Variants in RNF111 observed in about 807,000 individuals in gnomAD.
RNF111 encodes the protein E3 ubiquitin-protein ligase Arkadia.
A neutral mutation model predicts 95.1 loss-of-function variants in RNF111; 17 were observed. That is an observed-to-expected ratio of 0.18 (90% CI 0.12 to 0.27). The LOEUF is 0.27. Ranked by LOEUF, RNF111 falls within the 10% of genes least tolerant of loss-of-function variation. The probability of loss-of-function intolerance (pLI) is 1.00; values close to 1 mark genes in which losing one functional copy is unlikely to be tolerated. For synonymous variants in RNF111, 440 were observed against 414.8 expected (o/e 1.06, Z -0.74); for missense variants, 1,189 against 1,210.4 (o/e 0.98, Z 0.26).
At chr15:59,011,253 A>T (rs1267333742) in intron 1 of RNF111, among the ~76,000 whole-genome samples, 1 of 152,132 alleles carries the variant, frequency 6.6e-6, no homozygotes, top group Non-Finnish European at 1.5e-5. Context: ...ATCGGATTAG[A>T]TTCTACTTCT....
At chr15:59,018,666 A>T (rs978806295) in intron 1 of RNF111, among the ~76,000 whole-genome samples, 1 of 152,184 alleles carries the variant, frequency 6.6e-6, no homozygotes, top group Non-Finnish European at 1.5e-5. Flanking sequence ...TATTTTACAA[A>T]TGCATATATT....
At chr15:59,086,753 T>A (rs569575732) in intron 10 of RNF111, among the ~76,000 whole-genome samples, 2 of 152,180 alleles carry the variant, frequency 1.3e-5, no homozygotes, top group Non-Finnish European at 2.9e-5. Context: ...GTGTTTCTAA[T>A]TTTAGGAGTG....
chr15:58,991,464 G>A (rs771240112), intron 1 of RNF111, among the ~76,000 whole-genome samples: 3 of 152,214 alleles, frequency 2.0e-5, no homozygotes, highest in African/African-American at 7.2e-5. Context: ...TGTTCTGTGT[G>A]TGGGAACATA....
chr15:59,036,653 G>T (rs1258681554), intron 2 of RNF111, among the ~76,000 whole-genome samples: 1 of 152,188 alleles, frequency 6.6e-6, no homozygotes, highest in Non-Finnish European at 1.5e-5. Context: ...TGAGATTTGG[G>T]TGGGGACAAA....
At chr15:59,066,601 C>G (rs779479891) in intron 5 of RNF111, among the ~76,000 whole-genome samples, 163 bp from the exon 6 acceptor site, 2 of 151,874 alleles carry the variant, frequency 1.3e-5, no homozygotes, top group African/African-American at 2.4e-5. Context: ...AACAGCAAGA[C>G]TCCATCTCAA....
chr15:58,994,473 CTTTTTTTT>C (rs35787227), intron 1 of RNF111, among the ~76,000 whole-genome samples: 67 of 69,554 alleles, frequency 9.6e-4, no homozygotes, highest in Middle Eastern at 0.014. Context: ...TTTTCTCTCT[CTTTTTTTT>C]TTTTTTTTTT....
intron 1 of RNF111, among the ~76,000 whole-genome samples, 162 bp from the exon 2 acceptor site, chr15:59,030,642 A>G (rs2040858016): frequency 6.6e-6 from 1 of 152,174 alleles, no homozygotes; most frequent in Non-Finnish European, 1.5e-5. Flanking sequence ...AACGTTTTAT[A>G]AGAATAGTAA....
chr15:58,998,228 T>C (rs1205956893), intron 1 of RNF111, among the ~76,000 whole-genome samples: 3 of 151,918 alleles, frequency 2.0e-5, no homozygotes, highest in Non-Finnish European at 4.4e-5. Context: ...TAATATTCCA[T>C]GTGACAAAAT....
intron 2 of RNF111, among the ~76,000 whole-genome samples, chr15:59,032,191 A>G (rs34278620): frequency 0.11 from 17,243 of 152,132 alleles, 1,183 homozygotes; most frequent in African/African-American, 0.2. Context: ...TGCCCACCTC[A>G]GCCTCCCAAA....
chr15:59,015,083 T>C (rs1289765238), intron 1 of RNF111, among the ~76,000 whole-genome samples: 2 of 152,224 alleles, frequency 1.3e-5, no homozygotes, highest in Non-Finnish European at 2.9e-5. Flanking sequence ...TAAAATTCTG[T>C]AGTTTGGCCT....
chr15:59,058,568 G>A lies in RNF111; in HGVS notation c.1366+18G>A, dbSNP rs1175444613. The A allele has an allele frequency of 1.9e-6, 3 of 1,606,336 alleles. No individual in the cohort carries two copies. Among genetic ancestry groups the A allele is most frequent in the Admixed American group, 3.3e-5 (2 of 59,980 alleles). The stretch of plus-strand genomic sequence containing the variant: ...TATAGGAGGTATGTAAAAAAGTGGG[G>A]GAGGGGAGACTTTTTGTCATTACTT... On this transcript the variant is annotated intron_variant, in intron 5 of 13. Coordinates refer to ENST00000348370, the MANE Select transcript of RNF111 (RefSeq NM_017610.8).
chr15:59,020,505 A>G (rs1442053296), intron 1 of RNF111, among the ~76,000 whole-genome samples: 1 of 152,212 alleles, frequency 6.6e-6, no homozygotes, highest in African/African-American at 2.4e-5. Flanking sequence ...TGGCTGTAAT[A>G]ATAACAGAGT....
Position 59,091,145 on chromosome 15 carries a change from A to T in RNF111, c.2730A>T (p.Lys910Asn), listed in dbSNP as rs770156665. 1 of 1,585,036 alleles carries T rather than the reference A, an allele frequency of 6.3e-7. No homozygotes were observed. Among genetic ancestry groups the T allele is most frequent in the Non-Finnish European group, 8.7e-7 (1 of 1,155,734 alleles). The change falls in exon 12 of 14, where the codon AAA (lysine) becomes AAT (asparagine). Residue 910 changes from lysine to asparagine, a missense_variant. Around this residue, in one of 2 missense-constraint regions of RNF111, gnomAD observed 165 missense variants for 284.6 expected, o/e 0.58. Coordinates refer to ENST00000348370, the MANE Select transcript of RNF111 (RefSeq NM_017610.8). ...GTIERCTYPH[K>N]YKKRKLHCKQ... ...TTGAAAGATGTACATATCCACATAA[A>T]TACAAAAAGGTAAGAATTTATTCTA...
chr15:59,026,010 G>A (rs771037890), intron 1 of RNF111, among the ~76,000 whole-genome samples: 5 of 151,282 alleles, frequency 3.3e-5, no homozygotes, highest in Admixed American at 6.6e-5. Context: ...GATTACAGGC[G>A]TGAGCCACTG....
At chr15:59,091,210 A>T in intron 12 of RNF111, 56 bp downstream of exon 12, 2 of 952,918 alleles carry the variant, frequency 2.1e-6, no homozygotes, top group Non-Finnish European at 3.3e-6. Context: ...TAAATGTAAT[A>T]TATACCTTTT....
At chr15:59,031,743 A>G (rs750642123) in intron 2 of RNF111, 41 bp downstream of exon 2, 2 of 1,549,886 alleles carry the variant, frequency 1.3e-6, no homozygotes, top group Non-Finnish European at 1.8e-6. Context: ...AACCTATTGC[A>G]TTGCATTTGT....
chr15:59,051,582 C>A (rs901859322), intron 2 of RNF111, among the ~76,000 whole-genome samples: 1 of 151,954 alleles, frequency 6.6e-6, no homozygotes, highest in Non-Finnish European at 1.5e-5. Flanking sequence ...TCAAGACAAG[C>A]CTGGGCAACA....
chr15:59,026,586 A>G (rs2040622298), intron 1 of RNF111, among the ~76,000 whole-genome samples: 1 of 152,218 alleles, frequency 6.6e-6, no homozygotes, highest in Admixed American at 6.5e-5. Flanking sequence ...GTTTTATCAA[A>G]CAGCAAATAA....
chr15:59,078,879 A>G (rs1257369826), intron 7 of RNF111, among the ~76,000 whole-genome samples: 2 of 152,058 alleles, frequency 1.3e-5, no homozygotes, highest in East Asian at 1.9e-4. Flanking sequence ...AAAAAAAAAA[A>G]AAAGAGAGGT....
Sources: gnomAD v4.1 joint callset for allele counts (sites outside exome capture counted in the v4.1 genomes callset) on GRCh38, gnomAD v4.1.1 for gene constraint, gnomAD v4.1.1 regional missense constraint, MANE v1.5 for transcripts, NCBI Gene and HGNC (gene_info 2026-07-23, HGNC 2026-07-21) for gene names.